ME1: variants seen among roughly 807,000 people sequenced by gnomAD.
ME1 encodes the protein malic enzyme 1.
Under a neutral mutation model 66.4 loss-of-function variants are expected in ME1, and 74 were observed. The ratio of observed to expected loss-of-function variants is 1.11; its 90% CI spans 0.92 to 1.35. ME1 has a LOEUF of 1.35. ME1 is among the 40% of genes most tolerant of loss of function. The pLI is 0.00. For synonymous variants in ME1, 251 were observed against 235.6 expected (o/e 1.07, Z -0.60); for missense variants, 750 against 694.1 (o/e 1.08, Z -0.90).
chr6:83,373,635 T>C (rs575285511), intron 3 of ME1, among the ~76,000 whole-genome samples: 1 of 152,330 alleles, frequency 6.6e-6, no homozygotes, highest in South Asian at 2.1e-4. Context: ...GGATCTGGGA[T>C]ACATGTGTAC....
At chr6:83,261,896 C>G (rs1378496686) in intron 6 of ME1, among the ~76,000 whole-genome samples, 1 of 151,584 alleles carries the variant, frequency 6.6e-6, no homozygotes, top group East Asian at 1.9e-4. Flanking sequence ...CGCTTGTAAT[C>G]CCAGCTACTT....
chr6:83,241,448 A>G (rs921906864), intron 7 of ME1, among the ~76,000 whole-genome samples: 1 of 152,186 alleles, frequency 6.6e-6, no homozygotes, highest in Non-Finnish European at 1.5e-5. Context: ...AAATATTCTA[A>G]AATATCCTAT....
At chr6:83,235,682 C>A (rs1481650086) in intron 9 of ME1, among the ~76,000 whole-genome samples, 1 of 152,018 alleles carries the variant, frequency 6.6e-6, no homozygotes, top group Non-Finnish European at 1.5e-5. Context: ...CCCTGTTAGC[C>A]AGGATGGTCT....
At chr6:83,328,919 A>T (rs1256166951) in intron 5 of ME1, among the ~76,000 whole-genome samples, 2 of 152,132 alleles carry the variant, frequency 1.3e-5, no homozygotes, top group Non-Finnish European at 2.9e-5. Flanking sequence ...AGCTCAAAAA[A>T]AGGAGATAAG....
intron 6 of ME1, among the ~76,000 whole-genome samples, chr6:83,312,972 G>C (rs538199916): frequency 1.3e-5 from 2 of 152,100 alleles, no homozygotes; most frequent in Non-Finnish European, 2.9e-5. Flanking sequence ...GGCCAGGCTG[G>C]TCTCCAAATC....
chr6:83,387,025 T>A (rs777762957), intron 3 of ME1, among the ~76,000 whole-genome samples: 84 of 152,250 alleles, frequency 5.5e-4, no homozygotes, highest in African/African-American at 2.0e-3. Context: ...ACTAAGACAG[T>A]GCCACAGTCT....
At position 83,224,598 on chromosome 6, in the gene ME1, C is replaced by T. The variant is rs1228767472; in HGVS notation, c.1276-665G>A. Among the ~76,000 whole-genome samples, 7 of 149,428 alleles carry T rather than the reference C, an allele frequency of 4.7e-5. No individual in the cohort carries two copies. In the South Asian group the frequency reaches 6.3e-4, roughly 14 times the overall value. On this transcript the variant is annotated intron_variant, in intron 11 of 13. Coordinates refer to ENST00000369705, the MANE Select transcript of ME1 (RefSeq NM_002395.6). ...ACTTGAGAGGCTGAGGCAGGAGAAT[C>T]GCTTGAACTCAGGAGGCAGAGGTTG...
chr6:83,381,032 T>C (rs1769384829), intron 3 of ME1, among the ~76,000 whole-genome samples: 1 of 151,906 alleles, frequency 6.6e-6, no homozygotes. Flanking sequence ...GAGAAATATC[T>C]GAGATAAGGA....
At chr6:83,312,864 C>T (rs902491480) in intron 6 of ME1, among the ~76,000 whole-genome samples, 2 of 152,170 alleles carry the variant, frequency 1.3e-5, no homozygotes, top group Non-Finnish European at 2.9e-5. Flanking sequence ...AGGCAATTCT[C>T]GTCTCTCAGC....
chr6:83,401,114 A>G (rs1769829572), intron 2 of ME1, among the ~76,000 whole-genome samples: 2 of 152,074 alleles, frequency 1.3e-5, no homozygotes, highest in Non-Finnish European at 2.9e-5. Flanking sequence ...GACACTAGCC[A>G]TTTTCTAGCA....
intron 12 of ME1, among the ~76,000 whole-genome samples, chr6:83,216,936 A>G (rs1364031864): frequency 6.6e-6 from 1 of 152,240 alleles, no homozygotes; most frequent in Non-Finnish European, 1.5e-5. Flanking sequence ...GGAAGATGAT[A>G]GAGTAATGAA....
chr6:83,383,725 T>C (rs1769451338), intron 3 of ME1, among the ~76,000 whole-genome samples: 1 of 151,844 alleles, frequency 6.6e-6, no homozygotes, highest in South Asian at 2.1e-4. Context: ...AATATGATAT[T>C]CTCCAAATTA....
At chr6:83,258,240 C>A (rs1255932700) in intron 6 of ME1, among the ~76,000 whole-genome samples, 1 of 152,112 alleles carries the variant, frequency 6.6e-6, no homozygotes, top group Non-Finnish European at 1.5e-5. Flanking sequence ...AACTATATAT[C>A]AGTTTTAGTT....
chr6:83,314,003 G>A (rs1410442884), intron 6 of ME1, among the ~76,000 whole-genome samples: 1 of 152,134 alleles, frequency 6.6e-6, no homozygotes, highest in Non-Finnish European at 1.5e-5. Flanking sequence ...AAAGAAACCA[G>A]AAGTGCATCT....
chr6:83,229,041 T>A, intron 9 of ME1, 110 bp from the exon 10 acceptor site: 1 of 701,200 alleles, frequency 1.4e-6, no homozygotes, highest in East Asian at 2.5e-5. Flanking sequence ...ATGTATGATG[T>A]GTTACAGCTA....
chr6:83,326,066 G>C (rs768176855), intron 5 of ME1, among the ~76,000 whole-genome samples: 2 of 151,748 alleles, frequency 1.3e-5, no homozygotes, highest in African/African-American at 4.8e-5. Context: ...TAGACCAATG[G>C]AACAGAACAG....
intron 7 of ME1, among the ~76,000 whole-genome samples, chr6:83,240,184 A>G (rs1790485264): frequency 6.6e-6 from 1 of 152,046 alleles, no homozygotes; most frequent in South Asian, 2.1e-4. Context: ...TCACACAAAG[A>G]AACTCTTAAT....
chr6:83,350,607 G>T (rs1768780685), intron 4 of ME1, among the ~76,000 whole-genome samples: 1 of 151,786 alleles, frequency 6.6e-6, no homozygotes, highest in South Asian at 2.1e-4. Flanking sequence ...CTGGGTGCAT[G>T]CCAAGTAGCT....
intron 6 of ME1, among the ~76,000 whole-genome samples, chr6:83,269,592 T>C (rs962014396): frequency 1.3e-5 from 2 of 152,178 alleles, no homozygotes; most frequent in African/African-American, 2.4e-5. Context: ...TTTTCAGATA[T>C]ACCCAACTGT....
Sources: gnomAD v4.1 joint callset for allele counts (sites outside exome capture counted in the v4.1 genomes callset) on GRCh38, gnomAD v4.1.1 for gene constraint, MANE v1.5 for transcripts, NCBI Gene and HGNC (gene_info 2026-07-23, HGNC 2026-07-21) for gene names.